Variants in PTPRT observed in about 807,000 individuals in gnomAD.
PTPRT encodes protein tyrosine phosphatase receptor type T, also known as receptor-type tyrosine-protein phosphatase T.
Under a neutral mutation model 176.8 loss-of-function variants are expected in PTPRT, and 56 were observed. The observed-to-expected ratio is 0.32, with a 90% confidence interval of 0.26 to 0.40. The LOEUF (loss-of-function observed/expected upper bound fraction) is 0.40. PTPRT is among the 10% of genes least tolerant of loss of function. PTPRT has a pLI of 1.00. For synonymous variants in PTPRT, 783 were observed against 739.0 expected (o/e 1.06, Z -0.96); for missense variants, 1,540 against 1,908.2 (o/e 0.81, Z 3.60).
chr20:42,985,739 T>C (rs1344452379), intron 1 of PTPRT, among the ~76,000 whole-genome samples: 1 of 152,022 alleles, frequency 6.6e-6, no homozygotes, highest in Non-Finnish European at 1.5e-5. Flanking sequence ...GCCATAATTG[T>C]AAATAGAATG....
intron 19 of PTPRT, 103 bp from the exon 20 acceptor site, chr20:42,120,074 A>C (rs1216577119): frequency 9.7e-7 from 1 of 1,027,252 alleles, no homozygotes; most frequent in Non-Finnish European, 1.4e-6. Context: ...TCTCATGGGC[A>C]AAATGAGAAC....
intron 1 of PTPRT, among the ~76,000 whole-genome samples, chr20:43,168,135 C>A (rs568286472): frequency 1.3e-5 from 2 of 152,186 alleles, no homozygotes; most frequent in African/African-American, 4.8e-5. Flanking sequence ...GCACACCTCT[C>A]GCTGCATTAT....
intron 7 of PTPRT, among the ~76,000 whole-genome samples, chr20:42,555,009 G>A (rs1568973645): frequency 6.6e-6 from 1 of 152,310 alleles, no homozygotes; most frequent in East Asian, 1.9e-4. Flanking sequence ...GGAGCTGCCT[G>A]TCCCAATTGC....
At chr20:42,153,593 G>A (rs749141467) in intron 17 of PTPRT, among the ~76,000 whole-genome samples, 2 of 152,178 alleles carry the variant, frequency 1.3e-5, no homozygotes, top group African/African-American at 4.8e-5. Context: ...GGGAAAGACT[G>A]AGTCTCTTCC....
chr20:42,560,005 C>T (rs942130543), intron 7 of PTPRT, among the ~76,000 whole-genome samples: 1 of 152,152 alleles, frequency 6.6e-6, no homozygotes, highest in South Asian at 2.1e-4. Context: ...ACTTCCATGG[C>T]CTGCCCTCAT....
At chr20:42,611,561 C>T (rs1203836658) in intron 7 of PTPRT, among the ~76,000 whole-genome samples, 2 of 146,182 alleles carry the variant, frequency 1.4e-5, no homozygotes, top group Non-Finnish European at 2.9e-5. Context: ...CCCTGTATCC[C>T]AGTCCACTCT....
the PTPRT span, among the ~76,000 whole-genome samples, chr20:42,061,957 A>G: frequency 6.6e-6 from 1 of 152,208 alleles, no homozygotes; most frequent in Non-Finnish European, 1.5e-5. Flanking sequence ...ACCTTTTGTG[A>G]TGAACAAACC....
chr20:42,745,659 A>G (rs555467641), intron 6 of PTPRT, among the ~76,000 whole-genome samples: 2 of 152,374 alleles, frequency 1.3e-5, no homozygotes, highest in South Asian at 2.1e-4. Context: ...ACTGGAGCCC[A>G]TGGGTTTAAC....
At chr20:42,368,195 G>A (rs2058540907) in intron 9 of PTPRT, among the ~76,000 whole-genome samples, 1 of 152,106 alleles carries the variant, frequency 6.6e-6, no homozygotes, top group Non-Finnish European at 1.5e-5. Context: ...TGAGTGTGGG[G>A]AAGAACAAGG....
At chr20:42,284,886 T>C (rs2057203186) in intron 12 of PTPRT, among the ~76,000 whole-genome samples, 2 of 148,814 alleles carry the variant, frequency 1.3e-5, no homozygotes, top group African/African-American at 5.0e-5. Context: ...ATCATTCATA[T>C]AAAATCTTCA....
chr20:42,699,135 A>G (rs1294193648), intron 6 of PTPRT, among the ~76,000 whole-genome samples: 3 of 152,110 alleles, frequency 2.0e-5, no homozygotes. Flanking sequence ...ATTACCTCTT[A>G]CTCTATACTC....
At chr20:42,121,724 CAT>C (rs1187321059) in intron 19 of PTPRT, among the ~76,000 whole-genome samples, 1 of 146,100 alleles carries the variant, frequency 6.8e-6, no homozygotes, top group Non-Finnish European at 1.5e-5. Context: ...TATAGTATTC[CAT>C]ATATATATGG....
intron 7 of PTPRT, among the ~76,000 whole-genome samples, chr20:42,662,736 C>G (rs2075245743): frequency 2.0e-5 from 3 of 152,146 alleles, no homozygotes; most frequent in Admixed American, 2.0e-4. Context: ...GTCCCTTACT[C>G]TATTTGAACA....
rs144674926 is a variant in PTPRT, at chr20:42,770,564, C to A, written c.684+871G>T. 8.1e-3 allele frequency among the ~76,000 whole-genome samples: 1,236 copies of A among 151,776 alleles called. 13 individuals are homozygous for A. Among genetic ancestry groups the A allele is most frequent in the African/African-American group, 0.026 (1,064 of 41,440 alleles). Reference sequence around the variant, plus strand: ...ATAACAGGAAGGCAAATTCAAGCTTCAAACACTTCCCTGATGGACTTTACT... The same window carrying A: ...ATAACAGGAAGGCAAATTCAAGCTTAAAACACTTCCCTGATGGACTTTACT... On this transcript the variant is annotated intron_variant, in intron 5 of 30. Transcript: ENST00000373187.
intron 16 of PTPRT, among the ~76,000 whole-genome samples, chr20:42,168,793 T>G (rs533640576): frequency 6.6e-6 from 1 of 152,328 alleles, no homozygotes; most frequent in Non-Finnish European, 1.5e-5. Context: ...TGTTCTGTGT[T>G]TCTGAATTCT....
chr20:42,410,642 G>A (rs1394487360), intron 9 of PTPRT, among the ~76,000 whole-genome samples: 7 of 151,200 alleles, frequency 4.6e-5, no homozygotes, highest in Admixed American at 4.6e-4. Flanking sequence ...TGTGCCCCTG[G>A]CAAATTCACC....
chr20:42,697,488 G>A (rs143575693), intron 6 of PTPRT, among the ~76,000 whole-genome samples: 178 of 152,314 alleles, frequency 1.2e-3, no homozygotes, highest in African/African-American at 3.9e-3. Context: ...AAGATAACCG[G>A]TAAGGAAATG....
At chr20:42,320,633 T>A (rs1467699417) in intron 11 of PTPRT, among the ~76,000 whole-genome samples, 1 of 152,116 alleles carries the variant, frequency 6.6e-6, no homozygotes, top group Non-Finnish European at 1.5e-5. Context: ...GAGGAAGTAG[T>A]CCCAGAAGAA....
At chr20:42,136,623 G>A (rs913447582) in intron 18 of PTPRT, among the ~76,000 whole-genome samples, 1 of 152,128 alleles carries the variant, frequency 6.6e-6, no homozygotes, top group Admixed American at 6.5e-5. Context: ...GAGTTGAGAG[G>A]GGCAAGCACC....
Sources: allele counts gnomAD v4.1 joint callset (sites outside exome capture counted in the v4.1 genomes callset), GRCh38; gene constraint gnomAD v4.1.1; transcripts MANE v1.5; gene names NCBI Gene and HGNC (gene_info 2026-07-23, HGNC 2026-07-21).